FOXJ2: variants seen among roughly 807,000 people sequenced by gnomAD.
The protein encoded by FOXJ2 is forkhead box J2, also known as forkhead box protein J2.
FOXJ2 carries 18 observed loss-of-function variants against 68.4 expected under a neutral mutation model. The observed-to-expected ratio is 0.26, with a 90% CI of 0.18 to 0.39. FOXJ2 has a LOEUF of 0.39. FOXJ2 is among the 10% of genes least tolerant of loss of function. The pLI, the probability that FOXJ2 is intolerant of heterozygous loss-of-function variation, is 1.00. For missense variants in FOXJ2, 670 were observed against 726.5 expected (o/e 0.92, Z 0.89); for synonymous variants, 274 against 263.2 (o/e 1.04, Z -0.40).
chr12:8,044,074 A>G lies in FOXJ2; in HGVS notation c.601A>G (p.Ile201Val), dbSNP rs1450857870. The G allele has an allele frequency of 5.8e-6, 9 of 1,548,592 alleles. No individual in the cohort carries two copies. The highest frequency in any genetic ancestry group is 7.8e-6 in the Non-Finnish European group (9 of 1,150,166). Reference protein sequence around the residue: ...PQMSLQSPTSIASYSQGTGSV... With the variant: ...PQMSLQSPTSVASYSQGTGSV... ...GATGTCACTTCAGAGCCCCACATCT[A>G]TAGCCAGCTACAGCCAGGTAGGAAG... The change falls in exon 5 of 11, where the codon ATA becomes GTA. Residue 201 changes from isoleucine (I) to valine (V), a missense_variant. Ile to Val is a conservative substitution (Grantham distance 29, BLOSUM62 3). Around this residue, in one of 2 missense-constraint regions of FOXJ2, gnomAD observed 555 missense variants for 562.2 expected, o/e 0.99. Coordinates refer to ENST00000162391, the MANE Select transcript of FOXJ2 (RefSeq NM_018416.3).
intron 10 of FOXJ2, 73 bp downstream of exon 10, chr12:8,050,693 T>C: frequency 1.9e-6 from 3 of 1,542,424 alleles, no homozygotes; most frequent in Non-Finnish European, 1.8e-6. Flanking sequence ...GACTCTGAGC[T>C]GGCATTCTGT....
intron 1 of FOXJ2, among the ~76,000 whole-genome samples, chr12:8,034,273 C>G (rs1046612631): frequency 5.3e-5 from 8 of 152,122 alleles, no homozygotes; most frequent in African/African-American, 1.9e-4. Context: ...CTGGCCTTGC[C>G]CAGGGCATGC....
rs751765056 is a variant in FOXJ2 at position 8,039,956 on chromosome 12, T to C, written c.124T>C (p.Cys42Arg). The change falls in exon 2 of 11, where the codon TGT becomes CGT. Residue 42 changes from cysteine (C) to arginine (R), a missense_variant. Physicochemically the swap from Cys to Arg is radical, Grantham distance 180. Around this residue, in one of 2 missense-constraint regions of FOXJ2, gnomAD observed 115 missense variants for 164.3 expected, o/e 0.70. Coordinates refer to ENST00000162391, the MANE Select transcript of FOXJ2 (RefSeq NM_018416.3). The stretch of plus-strand genomic sequence containing the variant: ...TGGGCCTCCCGGGAGCAGCCGCAAG[T>C]GTTCACCAGGGTCACCCACAGATCC... ...QAGPPGSSRK[C>R]SPGSPTDPNA... The C allele has an allele frequency of 5.6e-6, 9 of 1,613,976 alleles. No individual in the cohort carries two copies. Among genetic ancestry groups the C allele is most frequent in the Non-Finnish European group, 7.6e-6 (9 of 1,179,990 alleles).
rs772969482 is a variant in FOXJ2, at chr12:8,033,852, C to G, written c.-15+19C>G. The stretch of plus-strand genomic sequence containing the variant: ...GAGACAGGTTAGTGCTTTCTTTCAT[C>G]TTCTCTCTGTCATTGTCTGGCACTA... On this transcript the variant is annotated intron_variant, in intron 1 of 10. Transcript: ENST00000162391. The G allele has an allele frequency of 6.5e-6, 1 of 152,762 alleles. No homozygotes were observed. Among genetic ancestry groups the G allele is most frequent in the African/African-American group, 2.4e-5 (1 of 41,578 alleles). 9.5% of individuals were successfully genotyped at this position (152,762 alleles called of 1,614,324 possible).
At position 8,039,799 on chromosome 12, in the gene FOXJ2, CCTCTTTGTCTT is replaced by C. The variant is rs1946940695; in HGVS notation, c.-14-15_-14-5del. On this transcript the variant is annotated splice_polypyrimidine_tract_variant and intron_variant, in intron 1 of 10. Transcript: ENST00000162391. ...TTACTTGCCCCCAGTATTTTCGTCT[CCTCTTTGTCTT>C]CTCTGCAGAACCCAGAAGTACCATG... is the stretch of plus-strand genomic sequence containing the variant. 6.3e-7 allele frequency: 1 copy of C among 1,582,988 alleles called. No individual in the cohort carries two copies. The highest frequency in any genetic ancestry group is 1.1e-5 in the South Asian group (1 of 88,292).
rs1261018803 is a variant in FOXJ2, at chr12:8,033,777, C to G, written c.-71C>G. On this transcript the variant is annotated 5_prime_UTR_variant, in exon 1 of 11. Transcript: ENST00000162391. ...CCTCTGAAGAGGGGAATCCCTCCAACCCCAAACTCCAGTACCAGGTGGTTC... is the reference window on the plus strand; with the variant it reads ...CCTCTGAAGAGGGGAATCCCTCCAAGCCCAAACTCCAGTACCAGGTGGTTC... 1 of 152,766 alleles carries G rather than the reference C, an allele frequency of 6.5e-6. No individual in the cohort carries two copies. The highest frequency in any genetic ancestry group is 1.9e-4 in the East Asian group (1 of 5,198). The allele number at this position is 152,766 out of a possible 1,614,324, so 9.5% of individuals were successfully genotyped here. A position where few individuals can be genotyped will look rare whatever the true frequency, so the allele number is the denominator to read the frequency against.
chr12:8,039,918 G>C lies in FOXJ2; in HGVS notation c.86G>C (p.Ser29Thr). ...TLRATIEKLG[S>T]ASQAGPPGSS... ...CGAGCTACCATTGAGAAGCTTGGAA[G>C]TGCCTCCCAGGCTGGGCCTCCCGGG... The change falls in exon 2 of 11, where the codon AGT (serine) becomes ACT (threonine). Residue 29 changes from serine (S) to threonine (T), a missense_variant. Physicochemically the swap from Ser to Thr is moderately conservative, Grantham distance 58. Around this residue, in one of 2 missense-constraint regions of FOXJ2, gnomAD observed 115 missense variants for 164.3 expected, o/e 0.70. Transcript: ENST00000162391. The C allele has an allele frequency of 6.2e-7, 1 of 1,614,128 alleles. No homozygotes were observed. The highest frequency in any genetic ancestry group is 1.1e-5 in the South Asian group (1 of 91,086).
chr12:8,034,984 A>G (rs1417652365), intron 1 of FOXJ2, among the ~76,000 whole-genome samples: 1 of 152,144 alleles, frequency 6.6e-6, no homozygotes, highest in Admixed American at 6.5e-5. Context: ...CAGCAAGGAC[A>G]AGTTGTGAAG....
chr12:8,036,465 C>A (rs1020024199), intron 1 of FOXJ2, among the ~76,000 whole-genome samples: 3 of 152,168 alleles, frequency 2.0e-5, no homozygotes, highest in Non-Finnish European at 4.4e-5. Context: ...CTTTGGCTGC[C>A]TTTCCCAGCT....
At position 8,054,171 on chromosome 12, in the gene FOXJ2, T is replaced by C. The variant is rs1469248937; in HGVS notation, c.*1321T>C. ...GGTGAAGGAGATTGGTGGAGGAGAG[T>C]AAATAATCTAGAGGCAAGAGTTCAG... is the stretch of plus-strand genomic sequence containing the variant. On this transcript the variant is annotated 3_prime_UTR_variant, in exon 11 of 11. Transcript: ENST00000162391. 3 of 152,164 alleles carry C rather than the reference T, an allele frequency of 2.0e-5. No individual in the cohort carries two copies. Among genetic ancestry groups the C allele is most frequent in the East Asian group, 1.9e-4 (1 of 5,182 alleles). The allele number at this position is 152,164 out of a possible 1,614,324, so 9.4% of individuals were successfully genotyped here.
intron 10 of FOXJ2, among the ~76,000 whole-genome samples, 176 bp downstream of exon 10, chr12:8,050,796 A>G (rs918521516): frequency 1.3e-5 from 2 of 151,276 alleles, no homozygotes; most frequent in Non-Finnish European, 2.9e-5. Context: ...TGTGTCGGGG[A>G]GACTAACGAA....
At chr12:8,051,043 TC>T (rs1947118017) in intron 10 of FOXJ2, among the ~76,000 whole-genome samples, 1 of 119,066 alleles carries the variant, frequency 8.4e-6, no homozygotes, top group Admixed American at 8.7e-5. Context: ...TCCTTCCCCT[TC>T]CCCTTCCCTT....
At chr12:8,039,734 GGAA>G (rs1486866165) in intron 1 of FOXJ2, 82 bp from the exon 2 acceptor site, 2 of 1,178,742 alleles carry the variant, frequency 1.7e-6, no homozygotes, top group Non-Finnish European at 2.4e-6. Flanking sequence ...AATGAGAGTA[GGAA>G]GAAACTCTAC....
chr12:8,041,120 T>C (rs983872221), intron 2 of FOXJ2, among the ~76,000 whole-genome samples: 1 of 152,156 alleles, frequency 6.6e-6, no homozygotes, highest in African/African-American at 2.4e-5. Flanking sequence ...TGTAGTTCTC[T>C]CACTCTATAA....
At position 8,035,318 on chromosome 12, in the gene FOXJ2, G is replaced by A. The variant is rs1946882123; in HGVS notation, c.-15+1485G>A. Among the ~76,000 whole-genome samples the A allele has an allele frequency of 6.6e-6, 1 of 152,096 alleles. No homozygotes were observed. The highest frequency in any genetic ancestry group is 1.5e-5 in the Non-Finnish European group (1 of 68,016). On this transcript the variant is annotated intron_variant, in intron 1 of 10. Transcript: ENST00000162391. The surrounding 1 kb of genome is among the most constrained non-coding windows in gnomAD (Gnocchi z 4.0). ...CTGTACAAGGACATGGATAGGTGGT[G>A]GTAAGGATGGCCACCTGAGGGGAAA... is the stretch of plus-strand genomic sequence containing the variant.
intron 9 of FOXJ2, chr12:8,050,039 C>T (rs182119459): frequency 1.5e-4 from 28 of 183,152 alleles, no homozygotes; most frequent in South Asian, 2.8e-4. Context: ...GGTGTGATCA[C>T]GGCTCACTGC....
rs2120360335 is a variant in FOXJ2, at chr12:8,054,769, G to A, written c.*1919G>A. ...GGGTGGCAAAATGCCTTTGCCCAGT[G>A]TCCCTATTTTAGGCATCTTTTCCTT... On this transcript the variant is annotated 3_prime_UTR_variant, in exon 11 of 11. Transcript: ENST00000162391. 6.6e-6 allele frequency: 1 copy of A among 152,438 alleles called. No individual in the cohort carries two copies. Among genetic ancestry groups the A allele is most frequent in the African/African-American group, 2.4e-5 (1 of 41,570 alleles). 9.4% of individuals were successfully genotyped at this position (152,438 alleles called of 1,614,324 possible). A position where few individuals can be genotyped will look rare whatever the true frequency, so the allele number is the denominator to read the frequency against.
chr12:8,044,660 A>G, intron 5 of FOXJ2, 100 bp from the exon 6 acceptor site: 3 of 1,210,746 alleles, frequency 2.5e-6, no homozygotes, highest in Non-Finnish European at 3.6e-6. Flanking sequence ...GAGCTAGGCG[A>G]GGATGAAGAG....
chr12:8,039,264 G>T (rs1946935062), intron 1 of FOXJ2, among the ~76,000 whole-genome samples: 1 of 151,936 alleles, frequency 6.6e-6, no homozygotes, highest in Non-Finnish European at 1.5e-5. Flanking sequence ...CATGTGTGTG[G>T]GATAAAAAGG....
Sources: allele counts gnomAD v4.1 joint callset (sites outside exome capture counted in the v4.1 genomes callset), GRCh38; gene constraint gnomAD v4.1.1; regional missense constraint gnomAD v4.1.1; non-coding constraint Gnocchi (gnomAD v3.1); transcripts MANE v1.5; gene names NCBI Gene and HGNC (gene_info 2026-07-23, HGNC 2026-07-21).